KLHL20: variants seen among roughly 807,000 people sequenced by gnomAD.
KLHL20 encodes kelch like family member 20.
KLHL20 carries 29 observed loss-of-function variants against 69.5 expected under a neutral mutation model. The ratio of observed to expected loss-of-function variants is 0.42; its 90% confidence interval spans 0.31 to 0.57. The LOEUF (loss-of-function observed/expected upper bound fraction) is 0.57, where lower values mean the gene tolerates loss of function less well. KLHL20 is among the 20% of genes least tolerant of loss of function. The pLI, the probability that KLHL20 is intolerant of heterozygous loss-of-function variation, is 0.18. For synonymous variants in KLHL20, 253 were observed against 265.2 expected (o/e 0.95, Z 0.45); for missense variants, 419 against 776.0 (o/e 0.54, Z 5.47).
intron 3 of KLHL20, among the ~76,000 whole-genome samples, chr1:173,748,218 A>G (rs1457145116): frequency 6.6e-6 from 1 of 152,130 alleles, no homozygotes; most frequent in Admixed American, 6.5e-5. Context: ...TGAATTTATC[A>G]AAAATGTAAA....
intron 7 of KLHL20, among the ~76,000 whole-genome samples, chr1:173,762,265 G>A (rs930421985): frequency 6.6e-5 from 10 of 152,026 alleles, no homozygotes; most frequent in Admixed American, 5.2e-4. Flanking sequence ...AGGACCAGAC[G>A]GATTCACAGC....
intron 3 of KLHL20, among the ~76,000 whole-genome samples, chr1:173,744,405 C>T (rs1468022225): frequency 1.3e-5 from 2 of 152,032 alleles, no homozygotes; most frequent in Non-Finnish European, 2.9e-5. Flanking sequence ...ATCCATGATA[C>T]ATGTCACAAA....
Position 173,724,627 on chromosome 1 carries a change from A to G in KLHL20, c.23+8561A>G, listed in dbSNP as rs71643168. Among the ~76,000 whole-genome samples the G allele has an allele frequency of 1.3e-3, 196 of 152,334 alleles. 2 individuals carry two copies. Among genetic ancestry groups the G allele is most frequent in the African/African-American group, 4.5e-3 (187 of 41,566 alleles). ...TAATTTAGCACCTGAATTTCTACATATGAAATATGAATATAAGATACAAAT... is the reference window on the plus strand; with the variant it reads ...TAATTTAGCACCTGAATTTCTACATGTGAAATATGAATATAAGATACAAAT... On this transcript the variant is annotated intron_variant, in intron 2 of 11. Transcript: ENST00000209884.
At chr1:173,765,850 A>G (rs1271129688) in intron 7 of KLHL20, among the ~76,000 whole-genome samples, 2 of 152,162 alleles carry the variant, frequency 1.3e-5, no homozygotes, top group African/African-American at 4.8e-5. Flanking sequence ...TTTTACTGAA[A>G]AGTCTTGAAG....
chr1:173,770,635 G>A (rs1215302678), intron 8 of KLHL20, among the ~76,000 whole-genome samples: 5 of 147,456 alleles, frequency 3.4e-5, no homozygotes, highest in Non-Finnish European at 5.9e-5. Context: ...AGCCGAGGTC[G>A]CACCATTGAG....
chr1:173,740,323 C>T (rs1052160826), intron 3 of KLHL20, among the ~76,000 whole-genome samples: 7 of 151,406 alleles, frequency 4.6e-5, no homozygotes, highest in African/African-American at 7.3e-5. Flanking sequence ...GGGGTTTCAC[C>T]GTGGTCTTGA....
chr1:173,730,352 A>G (rs952732814), intron 2 of KLHL20, among the ~76,000 whole-genome samples: 6 of 152,142 alleles, frequency 3.9e-5, no homozygotes, highest in Non-Finnish European at 5.9e-5. Context: ...CTTTCTTCAC[A>G]GAATTGGAAA....
intron 2 of KLHL20, among the ~76,000 whole-genome samples, chr1:173,726,740 C>A (rs1313174784): frequency 6.6e-6 from 1 of 152,112 alleles, no homozygotes. Flanking sequence ...ACACCAAAAC[C>A]CCATCTGTAC....
intron 3 of KLHL20, chr1:173,734,498 A>G: frequency 1.8e-6 from 1 of 566,242 alleles, no homozygotes; most frequent in Non-Finnish European, 3.1e-6. Context: ...TATTCTCCCT[A>G]ACTGTATTCA....
At chr1:173,745,871 A>G (rs999354732) in intron 3 of KLHL20, among the ~76,000 whole-genome samples, 1 of 152,166 alleles carries the variant, frequency 6.6e-6, no homozygotes, top group African/African-American at 2.4e-5. Context: ...ATGTTTAGAA[A>G]GTATTTGCTT....
chr1:173,753,404 A>C, intron 5 of KLHL20, 97 bp downstream of exon 5: 1 of 899,376 alleles, frequency 1.1e-6, no homozygotes, highest in East Asian at 2.7e-5. Context: ...TGTATTTTGC[A>C]GAGCTGAAAC....
Position 173,723,445 on chromosome 1 carries a change from A to G in KLHL20, c.23+7379A>G, listed in dbSNP as rs538830885. ...GTTGTTGTTGGAGAAAAGAAGAACC[A>G]TGTTTTTTATTTTTGTGCTATATCT... On this transcript the variant is annotated intron_variant, in intron 2 of 11. Coordinates refer to ENST00000209884, the MANE Select transcript of KLHL20 (RefSeq NM_014458.4). Among the ~76,000 whole-genome samples the G allele has an allele frequency of 6.6e-5, 10 of 152,368 alleles. No homozygotes were observed. In the East Asian group the frequency reaches 1.5e-3, roughly 23 times the overall value.
chr1:173,781,457 A>G (rs1177453275), intron 10 of KLHL20, among the ~76,000 whole-genome samples: 1 of 152,112 alleles, frequency 6.6e-6, no homozygotes, highest in African/African-American at 2.4e-5. Context: ...CCGGGACTAC[A>G]GGTATGCCCC....
At chr1:173,743,235 GA>G (rs1223685417) in intron 3 of KLHL20, among the ~76,000 whole-genome samples, 1 of 151,558 alleles carries the variant, frequency 6.6e-6, no homozygotes, top group Non-Finnish European at 1.5e-5. Context: ...CCTTATATTG[GA>G]AAAATACTAT....
At chr1:173,756,068 T>C in intron 6 of KLHL20, 30 bp downstream of exon 6, 2 of 1,475,722 alleles carry the variant, frequency 1.4e-6, no homozygotes, top group Non-Finnish European at 1.9e-6. Flanking sequence ...GTTAGTAAAT[T>C]GAGTATTTTC....
chr1:173,729,292 G>T (rs1369713355), intron 2 of KLHL20, among the ~76,000 whole-genome samples: 1 of 152,094 alleles, frequency 6.6e-6, no homozygotes, highest in Non-Finnish European at 1.5e-5. Flanking sequence ...TCTACCAGAG[G>T]TACAAGGAGG....
At position 173,757,115 on chromosome 1, in the gene KLHL20, A is replaced by G; in HGVS notation, c.1107A>G (p.Ala369=). Residue 369 remains alanine (A), a synonymous_variant, in exon 7 of 12, where the codon GCA becomes GCG. Coordinates refer to ENST00000209884, the MANE Select transcript of KLHL20 (RefSeq NM_014458.4). ...GVSVLDDLLY[A]VGGHDGSSYL... ...GTGTTCTTGATGATCTGTTATATGC[A>G]GTAGGAGGCCATGATGGATCCTCTT... 6.2e-7 allele frequency: 1 copy of G among 1,613,324 alleles called. No individual in the cohort carries two copies. The highest frequency in any genetic ancestry group is 8.5e-7 in the Non-Finnish European group (1 of 1,179,482).
At position 173,775,759 on chromosome 1, in the gene KLHL20, A is replaced by G. The variant is rs2102533777; in HGVS notation, c.1555A>G (p.Thr519Ala). 1.9e-6 allele frequency: 3 copies of G among 1,614,210 alleles called. No individual in the cohort carries two copies. Among genetic ancestry groups the G allele is most frequent in the Non-Finnish European group, 2.5e-6 (3 of 1,180,032 alleles). The stretch of plus-strand genomic sequence containing the variant: ...TGCTGTAGGAGGTAGAGATGACACT[A>G]CAGAGCTGAGCAGTGCTGAGAGATA... ...IYAVGGRDDT[T>A]ELSSAERYNP... The change falls in exon 10 of 12, where the codon ACA (threonine) becomes GCA (alanine). Residue 519 changes from threonine to alanine, a missense_variant. Thr to Ala is a moderately conservative substitution (Grantham distance 58). Coordinates refer to ENST00000209884, the MANE Select transcript of KLHL20 (RefSeq NM_014458.4).
At chr1:173,729,450 T>A (rs933491187) in intron 2 of KLHL20, among the ~76,000 whole-genome samples, 12 of 152,184 alleles carry the variant, frequency 7.9e-5, no homozygotes, top group African/African-American at 2.9e-4. Flanking sequence ...ATATCCCTGA[T>A]GAACATCAAA....
Sources: allele counts gnomAD v4.1 joint callset (sites outside exome capture counted in the v4.1 genomes callset), GRCh38; gene constraint gnomAD v4.1.1; transcripts MANE v1.5; gene names NCBI Gene and HGNC (gene_info 2026-07-23, HGNC 2026-07-21).